ADARB2: variants seen among roughly 807,000 people sequenced by gnomAD.
ADARB2 encodes the protein inactive double-stranded RNA-specific editase B2.
ADARB2 carries 25 observed loss-of-function variants against 62.2 expected under a neutral mutation model. The observed-to-expected ratio is 0.40, with a 90% CI of 0.29 to 0.56. The LOEUF (loss-of-function observed/expected upper bound fraction) is 0.56, where lower values mean the gene tolerates loss of function less well. Ranked by LOEUF, ADARB2 falls within the 20% of genes least tolerant of loss-of-function variation. The probability of loss-of-function intolerance (pLI) is 0.43; values close to 1 mark genes in which losing one functional copy is unlikely to be tolerated. For missense variants in ADARB2, 1,071 were observed against 1,077.4 expected (o/e 0.99, Z 0.08); for synonymous variants, 572 against 500.8 (o/e 1.14, Z -1.90).
chr10:1,412,764 C>T (rs1399824561), intron 1 of ADARB2, among the ~76,000 whole-genome samples: 3 of 152,282 alleles, frequency 2.0e-5, no homozygotes, highest in South Asian at 2.1e-4. Context: ...CTCATCCTCC[C>T]GCACCACCTG....
intron 3 of ADARB2, among the ~76,000 whole-genome samples, chr10:1,360,504 A>G (rs1832242836): frequency 6.6e-6 from 1 of 152,324 alleles, no homozygotes; most frequent in Non-Finnish European, 1.5e-5. Flanking sequence ...GGCAAGGAGG[A>G]AAAGCCACAT....
Position 1,647,666 on chromosome 10 carries a change from GTGTA to G in ADARB2, c.100+89381_100+89384del, listed in dbSNP as rs537322171. Among the ~76,000 whole-genome samples, 190 of 152,022 alleles carry G rather than the reference GTGTA, an allele frequency of 1.2e-3. 2 individuals carry two copies. The highest frequency in any genetic ancestry group is 4.0e-3 in the African/African-American group (167 of 41,448). Reference sequence around the variant, plus strand: ...TGTGTGGGGGTATATGAGTATATATGTGTATGTGTGTATACATGTGTGTATGTGT... The same window carrying G: ...TGTGTGGGGGTATATGAGTATATATGTGTGTGTATACATGTGTGTATGTGT... On this transcript the variant is annotated intron_variant, in intron 1 of 9. Coordinates refer to ENST00000381312, the MANE Select transcript of ADARB2 (RefSeq NM_018702.4).
intron 1 of ADARB2, among the ~76,000 whole-genome samples, chr10:1,578,576 G>A (rs558654354): frequency 6.6e-6 from 1 of 152,190 alleles, no homozygotes; most frequent in Admixed American, 6.5e-5. Context: ...TCCCCTGGCA[G>A]CCGTGGGTGC....
chr10:1,258,922 A>G (rs1452379025), intron 4 of ADARB2, among the ~76,000 whole-genome samples: 1 of 152,224 alleles, frequency 6.6e-6, no homozygotes, highest in African/African-American at 2.4e-5. Flanking sequence ...CAGCAAATGT[A>G]AAAGAACAGA....
At chr10:1,637,875 G>C (rs1171874470) in intron 1 of ADARB2, among the ~76,000 whole-genome samples, 2 of 152,174 alleles carry the variant, frequency 1.3e-5, no homozygotes, top group Non-Finnish European at 2.9e-5. Context: ...TAGTATCAGG[G>C]GTGCTGAATG....
chr10:1,202,736 A>C (rs1041287400), intron 7 of ADARB2, among the ~76,000 whole-genome samples: 4 of 152,224 alleles, frequency 2.6e-5, no homozygotes, highest in Non-Finnish European at 5.9e-5. Context: ...ATGTCTTATA[A>C]AGCAGGGAAA....
chr10:1,713,710 A>T (rs1834980288), intron 1 of ADARB2, among the ~76,000 whole-genome samples: 1 of 152,164 alleles, frequency 6.6e-6, no homozygotes, highest in African/African-American at 2.4e-5. Context: ...GTACCTGGAT[A>T]CCTCCATGGG....
intron 1 of ADARB2, among the ~76,000 whole-genome samples, chr10:1,521,962 C>T (rs1032428806): frequency 1.3e-5 from 2 of 152,082 alleles, no homozygotes; most frequent in Non-Finnish European, 2.9e-5. Context: ...TGTCGTGGGC[C>T]GGGTCACCCA....
intron 1 of ADARB2, among the ~76,000 whole-genome samples, chr10:1,725,034 G>T (rs755815382): frequency 1.3e-5 from 2 of 152,176 alleles, no homozygotes; most frequent in Non-Finnish European, 2.9e-5. Context: ...TTGCCTAAGG[G>T]CCAAACGGAC....
chr10:1,506,641 C>A (rs1831856391), intron 1 of ADARB2, among the ~76,000 whole-genome samples: 1 of 152,306 alleles, frequency 6.6e-6, no homozygotes. Flanking sequence ...GTCCACACAG[C>A]CCTGGGAGAT....
intron 3 of ADARB2, among the ~76,000 whole-genome samples, chr10:1,328,301 T>C (rs1423094284): frequency 6.6e-6 from 1 of 152,088 alleles, no homozygotes; most frequent in Non-Finnish European, 1.5e-5. Flanking sequence ...ATCCAGGAAA[T>C]TGGCAGTTAA....
At chr10:1,282,387 G>C (rs367650772) in intron 3 of ADARB2, among the ~76,000 whole-genome samples, 1 of 152,164 alleles carries the variant, frequency 6.6e-6, no homozygotes, top group African/African-American at 2.4e-5. Flanking sequence ...TGTGTCTACT[G>C]TGCCACAGGT....
At chr10:1,336,875 G>GCA (rs772138367) in intron 3 of ADARB2, among the ~76,000 whole-genome samples, 3 of 152,018 alleles carry the variant, frequency 2.0e-5, no homozygotes, top group Admixed American at 1.3e-4. Flanking sequence ...CCTTTACAGT[G>GCA]CATGTGTGGT....
intron 3 of ADARB2, among the ~76,000 whole-genome samples, chr10:1,360,499 G>A (rs1007060450): frequency 1.3e-5 from 2 of 152,222 alleles, no homozygotes; most frequent in Admixed American, 1.3e-4. Context: ...GGCAGGGCAA[G>A]GAGGAAAAGC....
At chr10:1,484,721 G>T (rs578037800) in intron 1 of ADARB2, among the ~76,000 whole-genome samples, 85 of 152,260 alleles carry the variant, frequency 5.6e-4, no homozygotes, top group African/African-American at 2.0e-3. Context: ...TGTGTCTGTG[G>T]GTGTGGAGGT....
At chr10:1,636,547 G>T (rs574897260) in intron 1 of ADARB2, among the ~76,000 whole-genome samples, 1 of 151,988 alleles carries the variant, frequency 6.6e-6, no homozygotes, top group African/African-American at 2.4e-5. Context: ...TATGTAATGT[G>T]GGGGGAGGCT....
chr10:1,394,769 T>C (rs1832597208), intron 1 of ADARB2: 1 of 448,546 alleles, frequency 2.2e-6, no homozygotes. Context: ...GAGACTTGCA[T>C]TCTGCAAAGA....
In ADARB2 at chr10:1,280,207, C is replaced by G. The variant is rs560521846; in HGVS notation, c.1078-9138G>C. On this transcript the variant is annotated intron_variant, in intron 3 of 9. Transcript: ENST00000381312. Reference sequence around the variant, plus strand: ...ACTACTTCCTTAGAGGCCCCATCTCCAAATACAGCCACACTGGGAATTAGG... The same window carrying G: ...ACTACTTCCTTAGAGGCCCCATCTCGAAATACAGCCACACTGGGAATTAGG... 4.6e-5 allele frequency among the ~76,000 whole-genome samples: 7 copies of G among 152,330 alleles called. No individual in the cohort carries two copies. The East Asian group carries it at 1.3e-3, about 29-fold the overall frequency.
intron 1 of ADARB2, among the ~76,000 whole-genome samples, chr10:1,629,812 A>C (rs1833820061): frequency 6.6e-6 from 1 of 152,166 alleles, no homozygotes; most frequent in Non-Finnish European, 1.5e-5. Context: ...ACAGCCTTGC[A>C]CATGCCATTC....
Sources: gnomAD v4.1 joint callset for allele counts (sites outside exome capture counted in the v4.1 genomes callset) on GRCh38, gnomAD v4.1.1 for gene constraint, MANE v1.5 for transcripts, NCBI Gene and HGNC (gene_info 2026-07-23, HGNC 2026-07-21) for gene names.